The following CYP39A1 variants were observed in gnomAD, a reference collection of about 807,000 sequenced individuals.
CYP39A1 encodes the protein cytochrome P450 family 39 subfamily A member 1, also known as 24-hydroxycholesterol 7-alpha-hydroxylase.
A neutral mutation model predicts 58.1 loss-of-function variants in CYP39A1; 49 were observed. The observed-to-expected ratio is 0.84, with a 90% CI of 0.67 to 1.07. CYP39A1 has a LOEUF of 1.07. Among genes scored for constraint, CYP39A1 ranks in the 50% least tolerant of loss-of-function variants. The probability of loss-of-function intolerance (pLI) is 0.00; values close to 1 mark genes in which losing one functional copy is unlikely to be tolerated. For synonymous variants in CYP39A1, 209 were observed against 187.6 expected (o/e 1.11, Z -0.93); for missense variants, 531 against 539.4 (o/e 0.98, Z 0.16).
intron 7 of CYP39A1, among the ~76,000 whole-genome samples, chr6:46,615,355 T>C (rs1024916902): frequency 1.3e-5 from 2 of 152,034 alleles, no homozygotes; most frequent in Admixed American, 1.3e-4. Context: ...TGTGTGTATA[T>C]ATACAAATAC....
chr6:46,619,429 A>G (rs1174707912), intron 7 of CYP39A1, among the ~76,000 whole-genome samples: 3 of 152,122 alleles, frequency 2.0e-5, no homozygotes, highest in African/African-American at 7.2e-5. Flanking sequence ...GGGTAAATAC[A>G]TAAATACACA....
rs1026120274 is a variant in CYP39A1 at position 46,637,812 on chromosome 6, T to C, written c.638+17A>G. On this transcript the variant is annotated intron_variant, in intron 4 of 11. Transcript: ENST00000275016. ...ATAAGCTTGGTCAATGAATTAATTA[T>C]AGGAAACAACTGTTACCTTAGAAGA... The C allele has an allele frequency of 8.7e-6, 14 of 1,606,158 alleles. No individual in the cohort carries two copies. Among genetic ancestry groups the C allele is most frequent in the Non-Finnish European group, 1.2e-5 (14 of 1,177,860 alleles).
At chr6:46,577,643 G>A (rs185959520) in intron 10 of CYP39A1, among the ~76,000 whole-genome samples, 1 of 152,076 alleles carries the variant, frequency 6.6e-6, no homozygotes, top group African/African-American at 2.4e-5. Context: ...ACTTCAAACA[G>A]AAGAGACTTT....
At chr6:46,594,933 T>C (rs1319746028) in intron 8 of CYP39A1, among the ~76,000 whole-genome samples, 1 of 151,752 alleles carries the variant, frequency 6.6e-6, no homozygotes, top group African/African-American at 2.4e-5. Context: ...ATATCCAAAA[T>C]ATACAAGAAA....
intron 10 of CYP39A1, among the ~76,000 whole-genome samples, chr6:46,563,518 CA>C (rs1582296554): frequency 6.6e-6 from 1 of 152,230 alleles, no homozygotes. Flanking sequence ...GAATGCTACA[CA>C]GGCATTGAGA....
chr6:46,634,891 G>A (rs1237816040), intron 5 of CYP39A1, among the ~76,000 whole-genome samples: 2 of 152,140 alleles, frequency 1.3e-5, no homozygotes, highest in Non-Finnish European at 2.9e-5. Context: ...GATCTATCTC[G>A]ATACATCTTT....
chr6:46,550,406 G>A lies in CYP39A1; in HGVS notation c.1370C>T (p.Pro457Leu), dbSNP rs1164249719. The A allele has an allele frequency of 1.1e-5, 17 of 1,611,842 alleles. No homozygotes were observed. Among genetic ancestry groups the A allele is most frequent in the Middle Eastern group, 3.3e-4 (2 of 6,052 alleles). The change falls in exon 12 of 12, where the codon CCG becomes CTG. Residue 457 changes from proline (P) to leucine (L), a missense_variant. By Grantham distance (98) the Pro-to-Leu change is moderately conservative. Coordinates refer to ENST00000275016, the MANE Select transcript of CYP39A1 (RefSeq NM_016593.5). ...ATATTCAATTCGGCATTGCCCTTCCGGCTGGGGGACACCCACCAAATGGAG... is the reference window on the plus strand; with the variant it reads ...ATATTCAATTCGGCATTGCCCTTCCAGCTGGGGGACACCCACCAAATGGAG... ...SYLHLVGVPQPEGQCRIEYKQ... is the reference protein window; with the variant it reads ...SYLHLVGVPQLEGQCRIEYKQ...
At chr6:46,620,096 C>A (rs78662359) in intron 7 of CYP39A1, among the ~76,000 whole-genome samples, 5,181 of 152,142 alleles carry the variant, frequency 0.034, 305 homozygotes, top group African/African-American at 0.12. Flanking sequence ...TCAAGAATGT[C>A]TATTCAAGAA....
At chr6:46,642,344 C>G in intron 1 of CYP39A1, 46 bp from the exon 2 acceptor site, 1 of 1,562,660 alleles carries the variant, frequency 6.4e-7, no homozygotes, top group African/African-American at 1.4e-5. Context: ...ATTCCTAAGC[C>G]ATGTTTAAGA....
intron 11 of CYP39A1, among the ~76,000 whole-genome samples, chr6:46,552,956 G>A (rs1770484535): frequency 6.6e-6 from 1 of 151,252 alleles, no homozygotes; most frequent in African/African-American, 2.4e-5. Context: ...GCTGAGGCAT[G>A]AGAACCACTT....
At chr6:46,626,659 T>C (rs1433780490) in intron 6 of CYP39A1, among the ~76,000 whole-genome samples, 1 of 152,196 alleles carries the variant, frequency 6.6e-6, no homozygotes, top group South Asian at 2.1e-4. Context: ...ATTTAGAGGC[T>C]TTCTTTCAGG....
At chr6:46,594,245 C>G (rs1212534448) in intron 8 of CYP39A1, among the ~76,000 whole-genome samples, 1 of 152,032 alleles carries the variant, frequency 6.6e-6, no homozygotes, top group African/African-American at 2.4e-5. Context: ...TATTAATAAC[C>G]TGTTCTAGGG....
At chr6:46,584,108 C>T (rs544470877) in intron 10 of CYP39A1, among the ~76,000 whole-genome samples, 3 of 152,210 alleles carry the variant, frequency 2.0e-5, no homozygotes, top group African/African-American at 4.8e-5. Flanking sequence ...AAGTCATTTG[C>T]TTTCCTGAAC....
chr6:46,584,865 G>A (rs1382159979), intron 10 of CYP39A1, among the ~76,000 whole-genome samples: 2 of 152,120 alleles, frequency 1.3e-5, no homozygotes, highest in Non-Finnish European at 2.9e-5. Context: ...GAAGCTCAGT[G>A]TGACGCTTTG....
intron 6 of CYP39A1, 95 bp from the exon 7 acceptor site, chr6:46,625,603 A>T (rs1016272541): frequency 1.2e-6 from 1 of 852,714 alleles, no homozygotes; most frequent in Non-Finnish European, 1.8e-6. Flanking sequence ...TTTAAAAAGG[A>T]TGATGTTTAA....
chr6:46,635,338 C>A (rs1775918138), intron 5 of CYP39A1, among the ~76,000 whole-genome samples: 1 of 152,180 alleles, frequency 6.6e-6, no homozygotes, highest in East Asian at 1.9e-4. Context: ...AGGTACTGTG[C>A]CCAAGGTTAC....
chr6:46,583,487 T>C (rs867046534), intron 10 of CYP39A1: 16 of 985,300 alleles, frequency 1.6e-5, no homozygotes, highest in Middle Eastern at 5.2e-4. Context: ...TATAGTTTAA[T>C]GTGAGACTGT....
chr6:46,576,291 A>G (rs1771840813), intron 10 of CYP39A1, among the ~76,000 whole-genome samples: 1 of 152,200 alleles, frequency 6.6e-6, no homozygotes, highest in Non-Finnish European at 1.5e-5. Context: ...CCAATTCAAT[A>G]TGAGATTTGG....
At chr6:46,566,094 T>C (rs1771257616) in intron 10 of CYP39A1, among the ~76,000 whole-genome samples, 1 of 152,138 alleles carries the variant, frequency 6.6e-6, no homozygotes, top group African/African-American at 2.4e-5. Context: ...CTGTTTTCTG[T>C]TTCATTAGGA....
Sources: gnomAD v4.1 joint callset for allele counts (sites outside exome capture counted in the v4.1 genomes callset) on GRCh38, gnomAD v4.1.1 for gene constraint, MANE v1.5 for transcripts, NCBI Gene and HGNC (gene_info 2026-07-23, HGNC 2026-07-21) for gene names.